The following GLIS3 variants were observed in gnomAD, a reference collection of about 807,000 sequenced individuals.
GLIS3 encodes the protein zinc finger protein GLIS3.
A neutral mutation model predicts 78.6 loss-of-function variants in GLIS3; 53 were observed. The observed-to-expected ratio is 0.67, with a 90% confidence interval of 0.54 to 0.85. The LOEUF (loss-of-function observed/expected upper bound fraction) is 0.85. GLIS3 is among the 40% of genes least tolerant of loss of function. The probability of loss-of-function intolerance (pLI) is 0.00; values close to 1 mark genes in which losing one functional copy is unlikely to be tolerated. For missense variants in GLIS3, 1,703 were observed against 1,231.1 expected (o/e 1.38, Z -5.74); for synonymous variants, 684 against 509.9 (o/e 1.34, Z -4.60).
At chr9:4,445,813 A>G in the GLIS3 span, among the ~76,000 whole-genome samples, 1 of 152,160 alleles carries the variant, frequency 6.6e-6, no homozygotes, top group South Asian at 2.1e-4. Context: ...CCATGCAGAT[A>G]AAAAGAGATG....
chr9:4,403,259 A>G, the GLIS3 span, among the ~76,000 whole-genome samples: 111,776 of 152,042 alleles, frequency 0.74, 41,252 homozygotes, highest in South Asian at 0.81. Flanking sequence ...CCAGACAAAC[A>G]AAAGCTGAGG....
Position 3,952,809 on chromosome 9 carries a change from C to T in GLIS3, c.1711-15620G>A, listed in dbSNP as rs552563279. On this transcript the variant is annotated intron_variant, in intron 4 of 10. Coordinates refer to ENST00000381971, the MANE Select transcript of GLIS3 (RefSeq NM_001042413.2). The stretch of plus-strand genomic sequence containing the variant: ...TTATAAAGCAGACTCTGATTTAGCA[C>T]ATCTGGGATGGGGTCTGGATGCTAC... 3.9e-5 allele frequency among the ~76,000 whole-genome samples: 6 copies of T among 152,236 alleles called. No individual in the cohort carries two copies. The South Asian group carries it at 1.2e-3, about 32-fold the overall frequency.
At chr9:3,922,446 A>G (rs1335556843) in intron 6 of GLIS3, among the ~76,000 whole-genome samples, 1 of 152,232 alleles carries the variant, frequency 6.6e-6, no homozygotes, top group Non-Finnish European at 1.5e-5. Flanking sequence ...GAAAGTTTGC[A>G]TATGTCCTCA....
intron 4 of GLIS3, among the ~76,000 whole-genome samples, chr9:3,942,678 A>G (rs763705998): frequency 3.9e-5 from 6 of 152,188 alleles, no homozygotes; most frequent in Non-Finnish European, 8.8e-5. Context: ...TCCCAGCTTC[A>G]CCTAGGAGAC....
At chr9:4,108,672 G>A (rs572467672) in intron 4 of GLIS3, among the ~76,000 whole-genome samples, 18 of 152,054 alleles carry the variant, frequency 1.2e-4, no homozygotes, top group Non-Finnish European at 2.6e-4. Flanking sequence ...CAAGCAACAG[G>A]CCCAATACCC....
At chr9:4,374,244 GAAC>G in the GLIS3 span, among the ~76,000 whole-genome samples, 1 of 152,146 alleles carries the variant, frequency 6.6e-6, no homozygotes, top group Non-Finnish European at 1.5e-5. Flanking sequence ...AAATGAATTA[GAAC>G]AACTCCCCTT....
chr9:4,459,547 T>G, the GLIS3 span, among the ~76,000 whole-genome samples: 1 of 152,210 alleles, frequency 6.6e-6, no homozygotes, highest in South Asian at 2.1e-4. Flanking sequence ...GAGGATCACT[T>G]AAGCCCAGGA....
rs372326856 is a variant in GLIS3 at position 4,118,720 on chromosome 9, C to A, written c.758G>T (p.Ser253Ile). ...GGACATGGATGTCCCGGGAGGAAGG[C>A]TAAGGAGATCCCCTAGATCAAGGCC... The part of the protein sequence containing the change: ...QNGLDLGDLL[S>I]LPPGTSMSSN... The change falls in exon 4 of 11, where the codon AGC (serine) becomes ATC (isoleucine). Residue 253 changes from serine (S) to isoleucine (I), a missense_variant. Ser to Ile is a moderately radical substitution (Grantham distance 142). Transcript: ENST00000381971. The surrounding 1 kb of genome is among the most constrained non-coding windows in gnomAD (Gnocchi z 4.7). 4.6e-5 allele frequency: 75 copies of A among 1,613,862 alleles called. No homozygotes were observed. Among genetic ancestry groups the A allele is most frequent in the Non-Finnish European group, 6.2e-5 (73 of 1,180,010 alleles).
chr9:4,148,702 G>C lies in GLIS3; in HGVS notation c.389-22761C>G, dbSNP rs187307623. 7.8e-3 allele frequency among the ~76,000 whole-genome samples: 1,189 copies of C among 152,158 alleles called. 13 individuals are homozygous for C. The highest frequency in any genetic ancestry group is 0.013 in the South Asian group (65 of 4,822). ...CACACCATACCTGTAGCAAGTTTTA[G>C]TAAAGAACTTCTTTGCACAGGTAGG... is the stretch of plus-strand genomic sequence containing the variant. On this transcript the variant is annotated intron_variant, in intron 2 of 10. Coordinates refer to ENST00000381971, the MANE Select transcript of GLIS3 (RefSeq NM_001042413.2).
intron 4 of GLIS3, among the ~76,000 whole-genome samples, chr9:4,101,442 C>T (rs1380552657): frequency 6.6e-6 from 1 of 152,088 alleles, no homozygotes; most frequent in African/African-American, 2.4e-5. Flanking sequence ...ATTTATTATT[C>T]TGTATAAACC....
At chr9:4,275,293 G>C (rs1563879308) in intron 2 of GLIS3, among the ~76,000 whole-genome samples, 1 of 152,190 alleles carries the variant, frequency 6.6e-6, no homozygotes, top group Non-Finnish European at 1.5e-5. Flanking sequence ...CATTTCTTCA[G>C]CTCATGGATG....
In GLIS3 at chr9:4,045,148, C is replaced by G. The variant is rs367892322; in HGVS notation, c.1710+72620G>C. Among the ~76,000 whole-genome samples, 375 of 152,234 alleles carry G rather than the reference C, an allele frequency of 2.5e-3. 2 individuals are homozygous for G. Among genetic ancestry groups the G allele is most frequent in the African/African-American group, 8.7e-3 (361 of 41,538 alleles). On this transcript the variant is annotated intron_variant, in intron 4 of 10. Coordinates refer to ENST00000381971, the MANE Select transcript of GLIS3 (RefSeq NM_001042413.2). ...TTTGAATTCCAAGTCCTGACATTTACTGATTCAATTTTGTGTTTCCAAGTT... is the reference window on the plus strand; with the variant it reads ...TTTGAATTCCAAGTCCTGACATTTAGTGATTCAATTTTGTGTTTCCAAGTT...
chr9:4,256,996 A>G (rs1158961207), intron 2 of GLIS3, among the ~76,000 whole-genome samples: 1 of 152,212 alleles, frequency 6.6e-6, no homozygotes, highest in African/African-American at 2.4e-5. Flanking sequence ...ATACATACAT[A>G]TTAACACATA....
intron 2 of GLIS3, among the ~76,000 whole-genome samples, chr9:4,128,895 T>G (rs1832761433): frequency 1.3e-5 from 2 of 152,142 alleles, no homozygotes. Context: ...CACTTTACAC[T>G]CAAGTGTAAA....
At chr9:4,433,955 G>C in the GLIS3 span, among the ~76,000 whole-genome samples, 2 of 152,100 alleles carry the variant, frequency 1.3e-5, no homozygotes, top group African/African-American at 4.8e-5. Flanking sequence ...AATTAGCTGG[G>C]CGTGGTGGCA....
At chr9:3,935,583 G>A (rs189558438) in intron 5 of GLIS3, among the ~76,000 whole-genome samples, 288 of 152,300 alleles carry the variant, frequency 1.9e-3, no homozygotes, top group African/African-American at 5.7e-3. Flanking sequence ...AGCTGGAGTA[G>A]AAGCAATTTC....
rs1272774621 is a variant in GLIS3 at position 4,299,878 on chromosome 9, G to C, written c.-556C>G. On this transcript the variant is annotated 5_prime_UTR_variant, in exon 1 of 11. Transcript: ENST00000381971. Reference sequence around the variant, plus strand: ...GCTGCCGGCGGGTTCCGTCGCCGGTGTGACCCTGGACGGCGCGGACGGCGT... The same window carrying C: ...GCTGCCGGCGGGTTCCGTCGCCGGTCTGACCCTGGACGGCGCGGACGGCGT... 3 of 152,310 alleles carry C rather than the reference G, an allele frequency of 2.0e-5. No individual in the cohort carries two copies. Among genetic ancestry groups the C allele is most frequent in the African/African-American group, 2.4e-5 (1 of 41,442 alleles). The allele number at this position is 152,310 out of a possible 1,614,324, so 9.4% of individuals were successfully genotyped here.
rs142805834 is a variant in GLIS3 at position 4,042,694 on chromosome 9, C to G, written c.1710+75074G>C. ...ACACTCAAAATCACTTCAGCTGCCA[C>G]TATAACAAAACAAAACTCCCAAAAA... On this transcript the variant is annotated intron_variant, in intron 4 of 10. Transcript: ENST00000381971. Among the ~76,000 whole-genome samples the G allele has an allele frequency of 4.9e-3, 753 of 152,144 alleles. 9 individuals are homozygous for G. The highest frequency in any genetic ancestry group is 0.017 in the African/African-American group (719 of 41,508).
In GLIS3 at chr9:4,118,205, C is replaced by T. The variant is rs1165614438; in HGVS notation, c.1273G>A (p.Ala425Thr). 2 of 1,585,984 alleles carry T rather than the reference C, an allele frequency of 1.3e-6. No homozygotes were observed. The highest frequency in any genetic ancestry group is 4.5e-5 in the East Asian group (2 of 44,238). The change falls in exon 4 of 11, where the codon GCC (alanine) becomes ACC (threonine). Residue 425 changes from alanine to threonine, a missense_variant. Ala to Thr is a moderately conservative substitution (Grantham distance 58). Transcript: ENST00000381971. This position sits in a 1 kb window ranked among gnomAD's most constrained non-coding sequence, Gnocchi z 4.7. The stretch of plus-strand genomic sequence containing the variant: ...AGGCGTTCGGTCTTGAACAGGCCGG[C>T]CGACTGGCTGTCGGGGCCCGGCAGG... ...HGLPGPDSQS[A>T]GLFKTERLEE...
Sources: gnomAD v4.1 joint callset for allele counts (sites outside exome capture counted in the v4.1 genomes callset) on GRCh38, gnomAD v4.1.1 for gene constraint, Gnocchi (gnomAD v3.1) non-coding constraint, MANE v1.5 for transcripts, NCBI Gene and HGNC (gene_info 2026-07-23, HGNC 2026-07-21) for gene names.